Variants in MRE11 observed in about 807,000 individuals in gnomAD.
MRE11 encodes MRE11 double strand break repair nuclease.
In MRE11, 62 loss-of-function variants were observed where a neutral mutation model predicts 91.7. The ratio of observed to expected loss-of-function variants is 0.68; its 90% CI spans 0.55 to 0.84. MRE11 has a LOEUF of 0.84. MRE11 is among the 40% of genes least tolerant of loss of function. The pLI, the probability that MRE11 is intolerant of heterozygous loss-of-function variation, is 0.00. For synonymous variants in MRE11, 273 were observed against 271.4 expected (o/e 1.01, Z -0.06); for missense variants, 796 against 852.9 (o/e 0.93, Z 0.83).
chr11:94,454,949 G>T (rs530819069), intron 14 of MRE11, among the ~76,000 whole-genome samples: 182 of 152,220 alleles, frequency 1.2e-3, no homozygotes, highest in Middle Eastern at 6.8e-3. Context: ...AAGATAAATA[G>T]AAATATAATA....
Position 94,485,934 on chromosome 11 carries a change from C to G in MRE11, c.304G>C (p.Gly102Arg). The G allele has an allele frequency of 6.2e-7, 1 of 1,612,582 alleles. No homozygotes were observed. Reference protein sequence around the residue: ...EILSDQSVNFGFSKFPWVNYQ... With the variant: ...EILSDQSVNFRFSKFPWVNYQ... Reference sequence around the variant, plus strand: ...AATAAATATACTTACTTACTAAAACCAAAGTTGACTGACTGATCACTGAGA... The same window carrying G: ...AATAAATATACTTACTTACTAAAACGAAAGTTGACTGACTGATCACTGAGA... Residue 102 changes from glycine (G) to arginine (R), a missense_variant, in exon 4 of 20, where the codon GGT (glycine) becomes CGT (arginine). Transcript: ENST00000323929.
At position 94,417,576 on chromosome 11, in the gene MRE11, A is replaced by G. The variant is rs1945061892; in HGVS notation, c.*2549T>C. On this transcript the variant is annotated 3_prime_UTR_variant, in exon 20 of 20. Coordinates refer to ENST00000323929, the MANE Select transcript of MRE11 (RefSeq NM_005591.4). The stretch of plus-strand genomic sequence containing the variant: ...CCTAACTGCGTCTAATGGCAGAAGC[A>G]CCACCTTGTGGCAAAAGTAGGAGCT... The G allele has an allele frequency of 4.3e-6, 1 of 232,960 alleles. No individual in the cohort carries two copies. 14.4% of individuals were successfully genotyped at this position (232,960 alleles called of 1,614,324 possible).
chr11:94,447,708 A>T (rs899260542), intron 14 of MRE11, among the ~76,000 whole-genome samples: 1 of 149,514 alleles, frequency 6.7e-6, no homozygotes, highest in Admixed American at 6.7e-5. Context: ...GGTGGCATGC[A>T]CCTGTAGTCC....
intron 18 of MRE11, 74 bp downstream of exon 18, chr11:94,435,758 T>C (rs959138686): frequency 1.6e-6 from 2 of 1,281,334 alleles, no homozygotes; most frequent in Admixed American, 1.7e-5. Context: ...CATAGAAAAA[T>C]GTGTAACTTT....
At chr11:94,449,930 A>G (rs2134927586) in intron 14 of MRE11, among the ~76,000 whole-genome samples, 1 of 152,350 alleles carries the variant, frequency 6.6e-6, no homozygotes, top group East Asian at 1.9e-4. Flanking sequence ...AAAATGTTGT[A>G]TGTGGCACAT....
chr11:94,466,638 G>GTTTTTT, intron 10 of MRE11: 2 of 360,590 alleles, frequency 5.5e-6, no homozygotes. Flanking sequence ...GGTTGGGCCA[G>GTTTTTT]AATGAAGCTC....
In MRE11 at chr11:94,417,921, T is replaced by C. The variant is rs531654080; in HGVS notation, c.*2204A>G. The C allele has an allele frequency of 1.3e-5, 3 of 233,072 alleles. No homozygotes were observed. The highest frequency in any genetic ancestry group is 2.2e-5 in the African/African-American group (1 of 45,462). 14.4% of individuals were successfully genotyped at this position (233,072 alleles called of 1,614,324 possible). On this transcript the variant is annotated 3_prime_UTR_variant, in exon 20 of 20. Transcript: ENST00000323929. ...TAAATGCACTGTTGTATTTTTATGA[T>C]AGGAAATAAAACACCAGAAAGACAC...
intron 6 of MRE11, among the ~76,000 whole-genome samples, chr11:94,477,343 T>C (rs1946888792): frequency 6.6e-6 from 1 of 152,206 alleles, no homozygotes; most frequent in Non-Finnish European, 1.5e-5. Context: ...ACAATTCTCA[T>C]ACTCCACAGG....
chr11:94,478,906 T>G (rs1160819414), intron 5 of MRE11, 30 bp from the exon 6 acceptor site: 1 of 1,610,936 alleles, frequency 6.2e-7, no homozygotes, highest in South Asian at 1.1e-5. Context: ...AGAATGTTAG[T>G]GTGTATGTAA....
intron 16 of MRE11, among the ~76,000 whole-genome samples, chr11:94,442,492 AAAT>A (rs1329555764): frequency 2.0e-5 from 3 of 152,166 alleles, no homozygotes; most frequent in Admixed American, 2.0e-4. Flanking sequence ...CAAAAAAGAA[AAAT>A]AAAACAAGAC....
intron 13 of MRE11, among the ~76,000 whole-genome samples, chr11:94,458,836 C>T (rs958181065): frequency 6.6e-6 from 1 of 152,032 alleles, no homozygotes; most frequent in Non-Finnish European, 1.5e-5. Flanking sequence ...CTATTCATGT[C>T]CTTTGTTCAT....
chr11:94,498,058 T>A (rs964420621), upstream of MRE11: 20 of 1,543,838 alleles, frequency 1.3e-5, no homozygotes, highest in Non-Finnish European at 1.7e-5. Flanking sequence ...AGATTTCTTT[T>A]TTTTCTTCTC....
the MRE11 span, chr11:94,499,278 A>G: frequency 6.5e-6 from 1 of 152,686 alleles, no homozygotes; most frequent in Non-Finnish European, 1.5e-5. Context: ...CCTTTGTCCA[A>G]CAGATCATAA....
chr11:94,418,558 G>C lies in MRE11; in HGVS notation c.*1567C>G, dbSNP rs1945082984. 4.3e-6 allele frequency: 1 copy of C among 232,706 alleles called. No individual in the cohort carries two copies. The highest frequency in any genetic ancestry group is 1.8e-4 in the South Asian group (1 of 5,514). The allele number at this position is 232,706 out of a possible 1,614,324, so 14.4% of individuals were successfully genotyped here. A position where few individuals can be genotyped will look rare whatever the true frequency, so the allele number is the denominator to read the frequency against. On this transcript the variant is annotated 3_prime_UTR_variant, in exon 20 of 20. Transcript: ENST00000323929. ...ACTGAGCCAGCATGGCTTGTGCAGGGGTAGGTAGCACAGCATCATCCAGAC... is the reference window on the plus strand; with the variant it reads ...ACTGAGCCAGCATGGCTTGTGCAGGCGTAGGTAGCACAGCATCATCCAGAC...
rs76411833 is a variant in MRE11 at position 94,450,029 on chromosome 11, T to A, written c.1564-2591A>T. 3.5e-3 allele frequency among the ~76,000 whole-genome samples: 527 copies of A among 152,300 alleles called. 5 individuals are homozygous for A. Among genetic ancestry groups the A allele is most frequent in the African/African-American group, 0.012 (504 of 41,564 alleles). On this transcript the variant is annotated intron_variant, in intron 14 of 19. Transcript: ENST00000323929. ...AATGACCCCCTCAACATGTTTAGTG[T>A]TCATTCCTACATGCAAAAAGGCTGC... is the stretch of plus-strand genomic sequence containing the variant.
intron 14 of MRE11, among the ~76,000 whole-genome samples, chr11:94,455,156 T>C: frequency 6.6e-6 from 1 of 152,132 alleles, no homozygotes; most frequent in East Asian, 1.9e-4. Context: ...AATCTAAAAT[T>C]TTGATAGGAC....
intron 16 of MRE11, among the ~76,000 whole-genome samples, chr11:94,438,876 T>C (rs773779807): frequency 1.3e-5 from 2 of 152,170 alleles, no homozygotes; most frequent in Non-Finnish European, 2.9e-5. Flanking sequence ...GTCTAGCAGA[T>C]AGAAAGCATT....
upstream of MRE11, chr11:94,498,683 T>C (rs1947452535): frequency 1.5e-6 from 1 of 664,996 alleles, no homozygotes; most frequent in South Asian, 2.0e-5. Context: ...CTGACTTTGA[T>C]GTCAAAATGT....
intron 10 of MRE11, chr11:94,466,524 G>T (rs536039302): frequency 5.7e-6 from 3 of 530,588 alleles, no homozygotes; most frequent in South Asian, 4.2e-5. Flanking sequence ...AGTAACTGCA[G>T]TTTTTGCCAT....
Sources: allele counts gnomAD v4.1 joint callset (sites outside exome capture counted in the v4.1 genomes callset), GRCh38; gene constraint gnomAD v4.1.1; transcripts MANE v1.5; gene names NCBI Gene and HGNC (gene_info 2026-07-23, HGNC 2026-07-21).